The following LRMDA variants were observed in gnomAD, a reference collection of about 807,000 sequenced individuals.
LRMDA encodes leucine-rich melanocyte differentiation-associated protein.
A neutral mutation model predicts 29.8 loss-of-function variants in LRMDA; 18 were observed. The ratio of observed to expected loss-of-function variants is 0.60; its 90% confidence interval spans 0.42 to 0.90. LRMDA has a LOEUF of 0.90. Ranked by LOEUF, LRMDA falls within the 40% of genes least tolerant of loss-of-function variation. The pLI, the probability that LRMDA is intolerant of heterozygous loss-of-function variation, is 0.00. For missense variants in LRMDA, 273 were observed against 273.9 expected, an observed-to-expected ratio of 1.00 and a Z score of 0.02; for synonymous variants, 125 against 109.4, an observed-to-expected ratio of 1.14 and a Z score of -0.89.
chr10:76,014,206 T>C (rs1183386503), intron 2 of LRMDA, among the ~76,000 whole-genome samples: 1 of 146,278 alleles, frequency 6.8e-6, no homozygotes, highest in South Asian at 2.2e-4. Context: ...ATTTACATAT[T>C]GTCTATGACT....
intron 2 of LRMDA, among the ~76,000 whole-genome samples, chr10:75,728,760 A>G (rs1435958622): frequency 1.3e-5 from 2 of 151,944 alleles, no homozygotes; most frequent in Admixed American, 6.6e-5. Context: ...TAGGGCTGGG[A>G]GGCTTGAAGC....
chr10:76,285,142 A>T (rs1008477380), intron 5 of LRMDA, among the ~76,000 whole-genome samples: 1 of 152,192 alleles, frequency 6.6e-6, no homozygotes, highest in Non-Finnish European at 1.5e-5. Context: ...TATGGTATGC[A>T]GTAGGCACTC....
At chr10:75,802,385 A>G (rs1843769141) in intron 2 of LRMDA, among the ~76,000 whole-genome samples, 1 of 151,824 alleles carries the variant, frequency 6.6e-6, no homozygotes, top group South Asian at 2.1e-4. Flanking sequence ...AGGAAACTTG[A>G]TTAAGGAAGG....
At chr10:76,227,494 C>T (rs145264475) in intron 5 of LRMDA, among the ~76,000 whole-genome samples, 1 of 152,294 alleles carries the variant, frequency 6.6e-6, no homozygotes, top group Non-Finnish European at 1.5e-5. Flanking sequence ...TCTTGCAAGT[C>T]TTTGACAGAC....
At chr10:76,048,528 TCAGATCAGAAGATCTGATGTGGA>T (rs1284664186) in intron 4 of LRMDA, among the ~76,000 whole-genome samples, 4 of 152,164 alleles carry the variant, frequency 2.6e-5, no homozygotes, top group African/African-American at 9.6e-5. Flanking sequence ...GTATGTGGGG[TCAGATCAGAAGATCTGATGTGGA>T]GTCCGGCTTT....
chr10:75,753,202 T>C (rs527440211), intron 2 of LRMDA, among the ~76,000 whole-genome samples: 1 of 152,212 alleles, frequency 6.6e-6, no homozygotes. Context: ...ATTCTGCAGA[T>C]ATTTGTTGAA....
At chr10:75,589,758 T>TAAAAAA (rs35782401) in intron 2 of LRMDA, among the ~76,000 whole-genome samples, 3 of 106,388 alleles carry the variant, frequency 2.8e-5, no homozygotes, top group African/African-American at 8.3e-5. Flanking sequence ...AGACCCTGTC[T>TAAAAAA]AAAAAAAATA....
chr10:75,490,657 A>G (rs1041452798), intron 2 of LRMDA, among the ~76,000 whole-genome samples: 2 of 152,198 alleles, frequency 1.3e-5, no homozygotes, highest in African/African-American at 4.8e-5. Flanking sequence ...GATTATCCCA[A>G]GGCCTCTAGT....
chr10:75,517,389 G>C (rs1845303370), intron 2 of LRMDA, among the ~76,000 whole-genome samples: 1 of 152,108 alleles, frequency 6.6e-6, no homozygotes, highest in Non-Finnish European at 1.5e-5. Flanking sequence ...GCAGTGGTTT[G>C]TAGTTCTGCT....
chr10:75,496,987 C>CT (rs111856236), intron 2 of LRMDA, among the ~76,000 whole-genome samples: 79 of 145,796 alleles, frequency 5.4e-4, no homozygotes, highest in Middle Eastern at 6.9e-3. Flanking sequence ...CCTGGCCTAG[C>CT]TTTTTTTTTT....
intron 6 of LRMDA, among the ~76,000 whole-genome samples, chr10:76,454,135 G>T (rs1171445109): frequency 6.6e-6 from 1 of 152,158 alleles, no homozygotes; most frequent in Admixed American, 6.5e-5. Context: ...CTCACATGTA[G>T]TATGAAGCTA....
At chr10:76,440,903 G>A (rs1238629642) in intron 6 of LRMDA, among the ~76,000 whole-genome samples, 1 of 152,128 alleles carries the variant, frequency 6.6e-6, no homozygotes, top group African/African-American at 2.4e-5. Flanking sequence ...ATGTGTCTAT[G>A]ACAATATATT....
intron 5 of LRMDA, among the ~76,000 whole-genome samples, chr10:76,133,907 G>A (rs1332221285): frequency 6.6e-6 from 1 of 152,198 alleles, no homozygotes; most frequent in African/African-American, 2.4e-5. Context: ...GGTGCCCACA[G>A]GGACGAGCTT....
At chr10:76,153,489 A>G (rs886854309) in intron 5 of LRMDA, among the ~76,000 whole-genome samples, 5 of 152,074 alleles carry the variant, frequency 3.3e-5, no homozygotes, top group African/African-American at 9.7e-5. Context: ...TGGATTTTGT[A>G]TATGGTGTGA....
chr10:76,046,036 T>A (rs1330162562), intron 3 of LRMDA, among the ~76,000 whole-genome samples: 2 of 152,218 alleles, frequency 1.3e-5, no homozygotes, highest in Admixed American at 1.3e-4. Flanking sequence ...TCTGAGTCTT[T>A]CACGCTTGCA....
chr10:76,414,358 A>G (rs1393352351), intron 6 of LRMDA, among the ~76,000 whole-genome samples: 1 of 152,184 alleles, frequency 6.6e-6, no homozygotes, highest in Non-Finnish European at 1.5e-5. Context: ...AACAAAAACA[A>G]CAAACCACAA....
chr10:76,231,886 A>C (rs566740193), intron 5 of LRMDA, among the ~76,000 whole-genome samples: 58 of 152,316 alleles, frequency 3.8e-4, no homozygotes, highest in African/African-American at 1.3e-3. Flanking sequence ...CTATATACAA[A>C]CCACAGGAGG....
intron 5 of LRMDA, among the ~76,000 whole-genome samples, chr10:76,196,454 T>C (rs1851332245): frequency 6.6e-6 from 1 of 152,214 alleles, no homozygotes; most frequent in Non-Finnish European, 1.5e-5. Context: ...GGCTTGACCA[T>C]GTTTTCAGAG....
intron 2 of LRMDA, among the ~76,000 whole-genome samples, chr10:75,530,930 A>G (rs1338287096): frequency 6.6e-6 from 1 of 152,188 alleles, no homozygotes; most frequent in Non-Finnish European, 1.5e-5. Context: ...TTTGGTAACT[A>G]ATAGTTCACT....
Sources: gnomAD v4.1 joint callset for allele counts (sites outside exome capture counted in the v4.1 genomes callset) on GRCh38, gnomAD v4.1.1 for gene constraint, MANE v1.5 for transcripts, NCBI Gene and HGNC (gene_info 2026-07-23, HGNC 2026-07-21) for gene names.